Variants in NEDD4L observed in about 807,000 individuals in gnomAD.
NEDD4L encodes the protein NEDD4 like E3 ubiquitin protein ligase, also known as E3 ubiquitin-protein ligase NEDD4-like.
Under a neutral mutation model 148.9 loss-of-function variants are expected in NEDD4L, and 54 were observed. That is an observed-to-expected ratio of 0.36 (90% CI 0.29 to 0.45). The LOEUF is 0.45. NEDD4L is among the 20% of genes least tolerant of loss of function. The pLI is 1.00. For synonymous variants in NEDD4L, 433 were observed against 440.7 expected (o/e 0.98, Z 0.22); for missense variants, 856 against 1,233.8 (o/e 0.69, Z 4.59).
intron 2 of NEDD4L, among the ~76,000 whole-genome samples, chr18:58,242,089 C>T (rs2046701833): frequency 6.6e-6 from 1 of 152,116 alleles, no homozygotes; most frequent in Non-Finnish European, 1.5e-5. Context: ...GGGACCTCCA[C>T]ACTGTATGAA....
intron 1 of NEDD4L, among the ~76,000 whole-genome samples, chr18:58,088,087 G>A (rs2083857315): frequency 6.6e-6 from 1 of 152,242 alleles, no homozygotes; most frequent in Non-Finnish European, 1.5e-5. Flanking sequence ...CTGGCAGGAA[G>A]CCTGCTTTTC....
chr18:58,295,491 A>G (rs1433905449), intron 5 of NEDD4L, among the ~76,000 whole-genome samples: 1 of 152,190 alleles, frequency 6.6e-6, no homozygotes, highest in Non-Finnish European at 1.5e-5. Context: ...CTGTCTGGAA[A>G]TGCCACCGCT....
intron 18 of NEDD4L, among the ~76,000 whole-genome samples, chr18:58,355,528 G>A (rs1211044885): frequency 6.6e-6 from 1 of 152,194 alleles, no homozygotes; most frequent in African/African-American, 2.4e-5. Context: ...TTTCTGCTTT[G>A]ATGACAATAT....
At chr18:58,383,476 A>G (rs182227330) in intron 25 of NEDD4L, among the ~76,000 whole-genome samples, 157 bp downstream of exon 25, 2 of 152,294 alleles carry the variant, frequency 1.3e-5, no homozygotes, top group Admixed American at 1.3e-4. Context: ...GCTAATGGGA[A>G]GTTGAATATG....
intron 1 of NEDD4L, among the ~76,000 whole-genome samples, chr18:58,108,530 C>T (rs541860604): frequency 4.2e-4 from 64 of 152,270 alleles, no homozygotes; most frequent in African/African-American, 1.3e-3. Context: ...AAGTGATTCT[C>T]GTGTCTCAGC....
intron 2 of NEDD4L, among the ~76,000 whole-genome samples, chr18:58,239,370 G>A (rs2046379370): frequency 6.6e-6 from 1 of 152,184 alleles, no homozygotes; most frequent in Non-Finnish European, 1.5e-5. Flanking sequence ...TTGTTCTTCT[G>A]TTATCCAAGT....
chr18:58,144,670 AC>A (rs2033914957), intron 1 of NEDD4L, among the ~76,000 whole-genome samples: 1 of 152,034 alleles, frequency 6.6e-6, no homozygotes, highest in Non-Finnish European at 1.5e-5. Flanking sequence ...AAACAAACAA[AC>A]CTGAAACCAT....
At position 58,256,548 on chromosome 18, in the gene NEDD4L, C is replaced by T. The variant is rs1224568469; in HGVS notation, c.297+4494C>T. 6 of 1,232,206 alleles carry T rather than the reference C, an allele frequency of 4.9e-6. No homozygotes were observed. Among genetic ancestry groups the T allele is most frequent in the Non-Finnish European group, 6.1e-6 (6 of 988,122 alleles). The allele number at this position is 1,232,206 out of a possible 1,614,324, so 76.3% of individuals were successfully genotyped here. A position where few individuals can be genotyped will look rare whatever the true frequency, so the allele number is the denominator to read the frequency against. ...GGGAGCCCCACGGAAGATCGGGGAG[C>T]CCTGGAGGCATCGCCTCGAGCTGGC... is the stretch of plus-strand genomic sequence containing the variant. On this transcript the variant is annotated intron_variant, in intron 5 of 30. Transcript: ENST00000400345. The surrounding 1 kb of genome is among the most constrained non-coding windows in gnomAD (Gnocchi z 5.2).
intron 5 of NEDD4L, among the ~76,000 whole-genome samples, chr18:58,313,407 C>A (rs1336908219): frequency 1.3e-5 from 2 of 152,166 alleles, no homozygotes; most frequent in Non-Finnish European, 2.9e-5. Flanking sequence ...GTAAAGATAA[C>A]ATAGCAAATA....
intron 30 of NEDD4L, among the ~76,000 whole-genome samples, chr18:58,393,166 C>G (rs576362323): frequency 1.3e-5 from 2 of 152,238 alleles, no homozygotes; most frequent in South Asian, 4.1e-4. Context: ...TCTGTGACTT[C>G]AGGGACACAT....
intron 2 of NEDD4L, among the ~76,000 whole-genome samples, chr18:58,219,140 G>A (rs140648259): frequency 5.1e-4 from 77 of 152,308 alleles, no homozygotes; most frequent in African/African-American, 1.7e-3. Context: ...GGCAGAAGCC[G>A]ATTTCTCTGG....
chr18:58,346,723 T>C (rs1448078428), intron 16 of NEDD4L, among the ~76,000 whole-genome samples: 1 of 152,268 alleles, frequency 6.6e-6, no homozygotes, highest in Non-Finnish European at 1.5e-5. Flanking sequence ...AGCAATTTTA[T>C]ATTACACATG....
intron 2 of NEDD4L, among the ~76,000 whole-genome samples, chr18:58,167,331 T>TC (rs1295095653): frequency 6.6e-6 from 1 of 152,170 alleles, no homozygotes; most frequent in Non-Finnish European, 1.5e-5. Flanking sequence ...GATCCCTGCT[T>TC]CCCTTCTCTT....
At chr18:58,051,218 A>C (rs1802122027) in intron 1 of NEDD4L, among the ~76,000 whole-genome samples, 1 of 152,180 alleles carries the variant, frequency 6.6e-6, no homozygotes, top group African/African-American at 2.4e-5. Flanking sequence ...TGATCATGCC[A>C]CTGCACTCCA....
intron 5 of NEDD4L, among the ~76,000 whole-genome samples, chr18:58,270,152 C>T (rs1354199034): frequency 6.6e-6 from 1 of 152,166 alleles, no homozygotes; most frequent in Non-Finnish European, 1.5e-5. Context: ...TAACTGAGTG[C>T]ATTTTTGTGG....
chr18:58,398,500 A>G lies in NEDD4L; in HGVS notation c.*2231A>G, dbSNP rs1273165191. ...CATATTAAGTCAAGTATTGGAAAGTATAAAAGAAAAATCATTCTGACAATT... is the reference window on the plus strand; with the variant it reads ...CATATTAAGTCAAGTATTGGAAAGTGTAAAAGAAAAATCATTCTGACAATT... On this transcript the variant is annotated 3_prime_UTR_variant, in exon 31 of 31. Transcript: ENST00000400345. The G allele has an allele frequency of 6.6e-6, 1 of 152,256 alleles. No individual in the cohort carries two copies. The highest frequency in any genetic ancestry group is 1.5e-5 in the Non-Finnish European group (1 of 68,048). The allele number at this position is 152,256 out of a possible 1,614,324, so 9.4% of individuals were successfully genotyped here. A position where few individuals can be genotyped will look rare whatever the true frequency, so the allele number is the denominator to read the frequency against.
intron 2 of NEDD4L, among the ~76,000 whole-genome samples, chr18:58,178,850 G>A (rs1051869295): frequency 6.6e-6 from 1 of 152,188 alleles, no homozygotes; most frequent in Non-Finnish European, 1.5e-5. Context: ...AAGCTTCTGT[G>A]ACTTTTAGAT....
At chr18:58,098,488 A>C (rs79078379) in intron 1 of NEDD4L, among the ~76,000 whole-genome samples, 1,856 of 152,192 alleles carry the variant, frequency 0.012, 39 homozygotes, top group African/African-American at 0.043. Context: ...AGAGGTGTGA[A>C]TTCTCGAGGC....
intron 5 of NEDD4L, among the ~76,000 whole-genome samples, chr18:58,287,303 C>T (rs935536386): frequency 2.0e-5 from 3 of 151,986 alleles, no homozygotes; most frequent in Non-Finnish European, 2.9e-5. Flanking sequence ...GCTTTACAGA[C>T]GAATAGAGGA....
Sources: allele counts gnomAD v4.1 joint callset (sites outside exome capture counted in the v4.1 genomes callset), GRCh38; gene constraint gnomAD v4.1.1; non-coding constraint Gnocchi (gnomAD v3.1); transcripts MANE v1.5; gene names NCBI Gene and HGNC (gene_info 2026-07-23, HGNC 2026-07-21).